The following JAKMIP1 variants were observed in gnomAD, a reference collection of about 807,000 sequenced individuals.
JAKMIP1 encodes the protein janus kinase and microtubule-interacting protein 1.
In JAKMIP1, 33 loss-of-function variants were observed where a neutral mutation model predicts 113.0. The ratio of observed to expected loss-of-function variants is 0.29; its 90% CI spans 0.22 to 0.39. The LOEUF (loss-of-function observed/expected upper bound fraction) is 0.39, where lower values mean the gene tolerates loss of function less well. Among genes scored for constraint, JAKMIP1 ranks in the 10% least tolerant of loss-of-function variants. The pLI, the probability that JAKMIP1 is intolerant of heterozygous loss-of-function variation, is 1.00. For synonymous variants in JAKMIP1, 480 were observed against 459.9 expected (o/e 1.04, Z -0.56); for missense variants, 813 against 1,080.5 (o/e 0.75, Z 3.47).
At chr4:6,127,276 G>A (rs1717830548) in intron 1 of JAKMIP1, among the ~76,000 whole-genome samples, 1 of 152,144 alleles carries the variant, frequency 6.6e-6, no homozygotes, top group South Asian at 2.1e-4. Context: ...CAGGGCATAG[G>A]CTGTTCCCCC....
Position 6,153,933 on chromosome 4 carries a change from C to A in JAKMIP1, c.-147-40936G>T, listed in dbSNP as rs1181969426. On this transcript the variant is annotated intron_variant, in intron 1 of 20. Coordinates refer to ENST00000409021, the MANE Select transcript of JAKMIP1 (RefSeq NM_001099433.2). The surrounding 1 kb of genome is among the most constrained non-coding windows in gnomAD (Gnocchi z 4.9). ...ACCAGCTACCCGCTCCCTGAGGCCC[C>A]TTTTGGCTGGGAAAGTCTGGATCCT... 6.6e-6 allele frequency among the ~76,000 whole-genome samples: 1 copy of A among 152,244 alleles called. No individual in the cohort carries two copies. Among genetic ancestry groups the A allele is most frequent in the Non-Finnish European group, 1.5e-5 (1 of 68,046 alleles).
Position 6,158,348 on chromosome 4 carries a change from CTG to C in JAKMIP1, c.-148+41903_-148+41904del, listed in dbSNP as rs756448707. Reference sequence around the variant, plus strand: ...GATGGGGTGGTGTCTGCCTCCCAGTCTGTATCCATGTAGGAATCTCAGTGATG... The same window carrying C: ...GATGGGGTGGTGTCTGCCTCCCAGTCTATCCATGTAGGAATCTCAGTGATG... On this transcript the variant is annotated intron_variant, in intron 1 of 20. Transcript: ENST00000409021. The surrounding 1 kb of genome is among the most constrained non-coding windows in gnomAD (Gnocchi z 5.3). Among the ~76,000 whole-genome samples the C allele has an allele frequency of 6.6e-6, 1 of 152,204 alleles. No individual in the cohort carries two copies. Among genetic ancestry groups the C allele is most frequent in the Non-Finnish European group, 1.5e-5 (1 of 68,044 alleles).
chr4:6,158,741 A>G lies in JAKMIP1; in HGVS notation c.-148+41512T>C, dbSNP rs1375437928. ...AAAAATAGGGCAATTCGATTGATCA[A>G]TGAGGCAGAAGAGAAAGCCCAAAAA... On this transcript the variant is annotated intron_variant, in intron 1 of 20. Transcript: ENST00000409021. The surrounding 1 kb of genome is among the most constrained non-coding windows in gnomAD (Gnocchi z 5.3). 6.6e-6 allele frequency among the ~76,000 whole-genome samples: 1 copy of G among 152,160 alleles called. No homozygotes were observed. The highest frequency in any genetic ancestry group is 1.5e-5 in the Non-Finnish European group (1 of 68,028).
chr4:6,055,471 GAGA>G (rs1290045402), intron 12 of JAKMIP1, among the ~76,000 whole-genome samples: 1 of 152,206 alleles, frequency 6.6e-6, no homozygotes, highest in Non-Finnish European at 1.5e-5. Flanking sequence ...CAACCAGAAA[GAGA>G]AGAACAGAGG....
intron 20 of JAKMIP1, among the ~76,000 whole-genome samples, chr4:6,028,560 G>A (rs554060107): frequency 9.8e-5 from 15 of 152,326 alleles, no homozygotes; most frequent in African/African-American, 3.6e-4. Context: ...GACTGGAAAG[G>A]CTGTCATCCC....
intron 1 of JAKMIP1, among the ~76,000 whole-genome samples, chr4:6,163,779 TA>T (rs765652440): frequency 4.6e-5 from 7 of 152,164 alleles, no homozygotes; most frequent in Non-Finnish European, 7.3e-5. Context: ...GAAAGTGAAA[TA>T]GCCCTATTGC....
chr4:6,045,602 G>A (rs1263079310), intron 16 of JAKMIP1, among the ~76,000 whole-genome samples: 1 of 152,236 alleles, frequency 6.6e-6, no homozygotes, highest in African/African-American at 2.4e-5. Context: ...GCTGGGTGAG[G>A]TGTCTCATAC....
At position 6,086,066 on chromosome 4, in the gene JAKMIP1, C is replaced by T. The variant is rs908277913; in HGVS notation, c.625-437G>A. 6.6e-6 allele frequency among the ~76,000 whole-genome samples: 1 copy of T among 152,078 alleles called. No individual in the cohort carries two copies. ...GGCCACAACTCCCCAACCCTCACCA[C>T]CAGACAGCTCCTGCCAAGGTCACCA... On this transcript the variant is annotated intron_variant, in intron 3 of 20. Coordinates refer to ENST00000409021, the MANE Select transcript of JAKMIP1 (RefSeq NM_001099433.2). The surrounding 1 kb of genome is among the most constrained non-coding windows in gnomAD (Gnocchi z 4.1).
rs1273355960 is a variant in JAKMIP1, at chr4:6,187,286, T to G, written c.-148+12967A>C. On this transcript the variant is annotated intron_variant, in intron 1 of 20. Transcript: ENST00000409021. The surrounding 1 kb of genome is among the most constrained non-coding windows in gnomAD (Gnocchi z 4.2). ...CTTTTTTTGTTTTAAACTCATTTTG[T>G]CTAATATCAGTACAGCCCCTTAGCT... Among the ~76,000 whole-genome samples the G allele has an allele frequency of 6.6e-6, 1 of 152,256 alleles. No homozygotes were observed. The highest frequency in any genetic ancestry group is 1.5e-5 in the Non-Finnish European group (1 of 68,048).
Position 6,188,064 on chromosome 4 carries a change from C to T in JAKMIP1, c.-148+12189G>A, listed in dbSNP as rs1003258559. 1.1e-4 allele frequency among the ~76,000 whole-genome samples: 17 copies of T among 152,234 alleles called. No individual in the cohort carries two copies. Among genetic ancestry groups the T allele is most frequent in the Non-Finnish European group, 2.4e-4 (16 of 68,034 alleles). ...TGACAATGTTAAGTTTCTTAAATGGCTAATTTTCAAATCTGTCATTTTTTT... is the reference window on the plus strand; with the variant it reads ...TGACAATGTTAAGTTTCTTAAATGGTTAATTTTCAAATCTGTCATTTTTTT... On this transcript the variant is annotated intron_variant, in intron 1 of 20. Transcript: ENST00000409021. The surrounding 1 kb of genome is among the most constrained non-coding windows in gnomAD (Gnocchi z 5.8).
rs1161857502 is a variant in JAKMIP1 at position 6,185,837 on chromosome 4, T to C, written c.-148+14416A>G. On this transcript the variant is annotated intron_variant, in intron 1 of 20. Transcript: ENST00000409021. This position sits in a 1 kb window ranked among gnomAD's most constrained non-coding sequence, Gnocchi z 5.3. ...TTAAGGCTCATTAAGGCAGGTGTTC[T>C]AGACAATACCTTTAACAGCCCACAG... 6.6e-6 allele frequency among the ~76,000 whole-genome samples: 1 copy of C among 152,218 alleles called. No homozygotes were observed. Among genetic ancestry groups the C allele is most frequent in the Non-Finnish European group, 1.5e-5 (1 of 68,040 alleles).
At position 6,180,319 on chromosome 4, in the gene JAKMIP1, T is replaced by C. The variant is rs1421926482; in HGVS notation, c.-148+19934A>G. On this transcript the variant is annotated intron_variant, in intron 1 of 20. Transcript: ENST00000409021. The surrounding 1 kb of genome is among the most constrained non-coding windows in gnomAD (Gnocchi z 4.5). ...TAGAAATGAGAGTTGTTTATCAACA[T>C]TCAAGAGAACATAATGAAGCTTCCT... Among the ~76,000 whole-genome samples, 1 of 152,226 alleles carries C rather than the reference T, an allele frequency of 6.6e-6. No individual in the cohort carries two copies. The highest frequency in any genetic ancestry group is 1.5e-5 in the Non-Finnish European group (1 of 68,044).
intron 16 of JAKMIP1, among the ~76,000 whole-genome samples, chr4:6,043,837 C>T (rs1578072610): frequency 6.6e-6 from 1 of 152,126 alleles, no homozygotes; most frequent in Non-Finnish European, 1.5e-5. Flanking sequence ...CCAAAGACAT[C>T]CCAGCACCCC....
In JAKMIP1 at chr4:6,065,006, C is replaced by A. The variant is rs756604514; in HGVS notation, c.1305G>T (p.Lys435Asn). The A allele has an allele frequency of 1.4e-5, 22 of 1,614,068 alleles. No individual in the cohort carries two copies. The highest frequency in any genetic ancestry group is 1.9e-5 in the Non-Finnish European group (22 of 1,180,040). Reference protein sequence around the residue: ...HRGKSLKPPKKHVVETFFGFD... With the variant: ...HRGKSLKPPKNHVVETFFGFD... ...ATCCAAAAAATGTCTCCACAACATG[C>A]TTCTGTAAAACGCAATTTGTATGAT... is the stretch of plus-strand genomic sequence containing the variant. The change falls in exon 9 of 21, where the codon AAG becomes AAT. Residue 435 changes from lysine (K) to asparagine (N), a missense_variant and splice_region_variant. Lys to Asn is a moderately conservative substitution (Grantham distance 94, BLOSUM62 0). Transcript: ENST00000409021. This position sits in a 1 kb window ranked among gnomAD's most constrained non-coding sequence, Gnocchi z 5.1.
At position 6,143,705 on chromosome 4, in the gene JAKMIP1, C is replaced by T. The variant is rs1033187890; in HGVS notation, c.-147-30708G>A. 2.0e-4 allele frequency among the ~76,000 whole-genome samples: 31 copies of T among 152,212 alleles called. No homozygotes were observed. The highest frequency in any genetic ancestry group is 2.9e-5 in the Non-Finnish European group (2 of 68,034). The stretch of plus-strand genomic sequence containing the variant: ...TTGGCCTCAACAGTAACCTACTGAA[C>T]AGAACGTGGGGGTGGACTCAGCAGT... On this transcript the variant is annotated intron_variant, in intron 1 of 20. Coordinates refer to ENST00000409021, the MANE Select transcript of JAKMIP1 (RefSeq NM_001099433.2). The surrounding 1 kb of genome is among the most constrained non-coding windows in gnomAD (Gnocchi z 4.9).
At chr4:6,046,814 C>T (rs933482316) in intron 16 of JAKMIP1, among the ~76,000 whole-genome samples, 8 of 152,160 alleles carry the variant, frequency 5.3e-5, no homozygotes, top group Admixed American at 1.3e-4. Flanking sequence ...ACATCAGGAA[C>T]GGCTCAGGTG....
In JAKMIP1 at chr4:6,140,298, T is replaced by A. The variant is rs1719940281; in HGVS notation, c.-147-27301A>T. Among the ~76,000 whole-genome samples, 1 of 151,208 alleles carries A rather than the reference T, an allele frequency of 6.6e-6. No homozygotes were observed. Among genetic ancestry groups the A allele is most frequent in the Non-Finnish European group, 1.5e-5 (1 of 67,884 alleles). The stretch of plus-strand genomic sequence containing the variant: ...GGAGGGACTTTCACCAACATTTGTG[T>A]GATACACATCTTCCCACATAAATCA... On this transcript the variant is annotated intron_variant, in intron 1 of 20. Coordinates refer to ENST00000409021, the MANE Select transcript of JAKMIP1 (RefSeq NM_001099433.2). This position sits in a 1 kb window ranked among gnomAD's most constrained non-coding sequence, Gnocchi z 9.4.
chr4:6,114,589 C>T (rs1715456090), intron 1 of JAKMIP1, among the ~76,000 whole-genome samples: 1 of 152,198 alleles, frequency 6.6e-6, no homozygotes, highest in Non-Finnish European at 1.5e-5. Context: ...ATCTGGGAGG[C>T]AGTGATGGAG....
At chr4:6,195,597 C>A (rs1314506973) in intron 1 of JAKMIP1, among the ~76,000 whole-genome samples, 2 of 152,160 alleles carry the variant, frequency 1.3e-5, no homozygotes, top group Non-Finnish European at 2.9e-5. Context: ...TCCCCTCCCC[C>A]ACAAAAGAAC....
Sources: gnomAD v4.1 joint callset for allele counts (sites outside exome capture counted in the v4.1 genomes callset) on GRCh38, gnomAD v4.1.1 for gene constraint, Gnocchi (gnomAD v3.1) non-coding constraint, MANE v1.5 for transcripts, NCBI Gene and HGNC (gene_info 2026-07-23, HGNC 2026-07-21) for gene names.